Variants in IL6R observed in about 807,000 individuals in gnomAD.
The protein encoded by IL6R is interleukin 6 receptor.
Under a neutral mutation model 48.3 loss-of-function variants are expected in IL6R, and 38 were observed. That is an observed-to-expected ratio of 0.79 (90% CI 0.61 to 1.03). The LOEUF (loss-of-function observed/expected upper bound fraction) is 1.03. Among genes scored for constraint, IL6R ranks in the 50% least tolerant of loss-of-function variants. IL6R has a pLI of 0.00. For synonymous variants in IL6R, 264 were observed against 256.2 expected (o/e 1.03, Z -0.29); for missense variants, 534 against 618.3 (o/e 0.86, Z 1.45).
At chr1:154,420,315 G>A (rs1025454612) in intron 1 of IL6R, among the ~76,000 whole-genome samples, 4 of 152,038 alleles carry the variant, frequency 2.6e-5, no homozygotes, top group Non-Finnish European at 5.9e-5. Context: ...GTGGGGGCCT[G>A]TGGGGGATCT....
intron 6 of IL6R, among the ~76,000 whole-genome samples, chr1:154,447,242 C>T (rs1207637724): frequency 5.3e-5 from 8 of 151,422 alleles, no homozygotes; most frequent in South Asian, 4.2e-4. Context: ...AGTTCAAGAC[C>T]AGCCTGGCCA....
chr1:154,427,151 T>A (rs1326220312), intron 1 of IL6R, among the ~76,000 whole-genome samples: 1 of 152,116 alleles, frequency 6.6e-6, no homozygotes. Context: ...ATCTCTTGAC[T>A]TGTGATCCGT....
intron 1 of IL6R, among the ~76,000 whole-genome samples, chr1:154,406,825 A>T (rs1462433242): frequency 6.6e-6 from 1 of 152,140 alleles, no homozygotes; most frequent in Non-Finnish European, 1.5e-5. Flanking sequence ...AAAAGAAGGG[A>T]TTCCATTTTC....
chr1:154,462,808 TAA>T, intron 9 of IL6R, among the ~76,000 whole-genome samples: 1 of 152,096 alleles, frequency 6.6e-6, no homozygotes, highest in East Asian at 1.9e-4. Flanking sequence ...TTTAATTAAT[TAA>T]TTAATTTATT....
intron 1 of IL6R, among the ~76,000 whole-genome samples, chr1:154,419,188 A>G (rs1570932762): frequency 6.6e-6 from 1 of 152,286 alleles, no homozygotes; most frequent in Middle Eastern, 3.4e-3. Context: ...AATGGGGACA[A>G]GACTTCCTCC....
chr1:154,442,840 G>A (rs1690017092), intron 6 of IL6R, among the ~76,000 whole-genome samples: 1 of 151,378 alleles, frequency 6.6e-6, no homozygotes, highest in Admixed American at 6.6e-5. Flanking sequence ...AAGCCGGAGT[G>A]CAGTGGCATA....
At chr1:154,456,110 G>A (rs1358825517) in intron 9 of IL6R, among the ~76,000 whole-genome samples, 3 of 151,952 alleles carry the variant, frequency 2.0e-5, no homozygotes, top group African/African-American at 7.3e-5. Context: ...TGGATGGGGT[G>A]AGTGAAAATG....
chr1:154,467,418 A>AC lies in IL6R; in HGVS notation c.*2039dup, dbSNP rs1691605463. 1 of 152,088 alleles carries AC rather than the reference A, an allele frequency of 6.6e-6. No individual in the cohort carries two copies. The highest frequency in any genetic ancestry group is 2.1e-4 in the South Asian group (1 of 4,828). The allele number at this position is 152,088 out of a possible 1,614,324, so 9.4% of individuals were successfully genotyped here. Reference sequence around the variant, plus strand: ...TACCAGACCACAAAACTTTTCTAATACTCTACCCTCTTAGAAAAACCACCA... The same window carrying AC: ...TACCAGACCACAAAACTTTTCTAATACCTCTACCCTCTTAGAAAAACCACCA... On this transcript the variant is annotated 3_prime_UTR_variant, in exon 10 of 10. Coordinates refer to ENST00000368485, the MANE Select transcript of IL6R (RefSeq NM_000565.4).
chr1:154,436,098 A>T lies in IL6R; in HGVS notation c.937A>T (p.Thr313Ser). The stretch of plus-strand genomic sequence containing the variant: ...CGAGTGGAGCCCGGAGGCCATGGGC[A>T]CGCCTTGGACAGGTACTGCGGTGGG... ...WSEWSPEAMGTPWTESRSPPA... is the reference protein window; with the variant it reads ...WSEWSPEAMGSPWTESRSPPA... The change falls in exon 6 of 10, where the codon ACG becomes TCG. Residue 313 changes from threonine (T) to serine (S), a missense_variant. Physicochemically the swap from Thr to Ser is moderately conservative, Grantham distance 58. Transcript: ENST00000368485. 2 of 1,610,210 alleles carry T rather than the reference A, an allele frequency of 1.2e-6. No individual in the cohort carries two copies. Among genetic ancestry groups the T allele is most frequent in the East Asian group, 4.5e-5 (2 of 44,748 alleles).
At chr1:154,429,505 C>T in intron 2 of IL6R, 61 bp downstream of exon 2, 1 of 1,538,930 alleles carries the variant, frequency 6.5e-7, no homozygotes, top group Non-Finnish European at 8.8e-7. Context: ...TTTGTGCATT[C>T]CAGACAGTCC....
chr1:154,460,149 A>C (rs1691162998), intron 9 of IL6R, among the ~76,000 whole-genome samples: 1 of 152,214 alleles, frequency 6.6e-6, no homozygotes, highest in Non-Finnish European at 1.5e-5. Flanking sequence ...CTTTAAATGA[A>C]ACTTTTTGAA....
At chr1:154,461,517 A>G (rs549032435) in intron 9 of IL6R, among the ~76,000 whole-genome samples, 24 of 152,122 alleles carry the variant, frequency 1.6e-4, no homozygotes, top group Non-Finnish European at 3.2e-4. Context: ...ACTTCTCCCA[A>G]TGTCCCTTCA....
chr1:154,465,076 G>A, intron 9 of IL6R, 58 bp from the exon 10 acceptor site: 1 of 1,607,250 alleles, frequency 6.2e-7, no homozygotes, highest in South Asian at 1.1e-5. Context: ...TCCACTGTGG[G>A]CTTGTCACAG....
At chr1:154,432,002 C>T (rs1330351513) in intron 3 of IL6R, among the ~76,000 whole-genome samples, 1 of 152,206 alleles carries the variant, frequency 6.6e-6, no homozygotes, top group Non-Finnish European at 1.5e-5. Flanking sequence ...AGCAAAACCT[C>T]AGATAAGGCA....
chr1:154,450,731 C>T (rs1315080825), intron 8 of IL6R, among the ~76,000 whole-genome samples: 3 of 152,218 alleles, frequency 2.0e-5, no homozygotes, highest in Admixed American at 6.5e-5. Flanking sequence ...CTGTGTTTGA[C>T]TAGGTATATG....
rs1053067042 is a variant in IL6R, at chr1:154,436,031, G to T, written c.870G>T (p.Val290=). The change falls in exon 6 of 10, where the codon GTG becomes GTT. Residue 290 remains valine (V), a synonymous_variant. Coordinates refer to ENST00000368485, the MANE Select transcript of IL6R (RefSeq NM_000565.4). ...CCTGGAGCGGCCTGAGGCACGTGGT[G>T]CAGCTTCGTGCCCAGGAGGAGTTCG... The part of the protein sequence containing the change: ...HDAWSGLRHV[V]QLRAQEEFGQ... The T allele has an allele frequency of 8.1e-6, 13 of 1,612,992 alleles. No homozygotes were observed. The East Asian group carries it at 1.6e-4, about 19-fold the overall frequency.
At chr1:154,425,263 A>G (rs1397707639) in intron 1 of IL6R, among the ~76,000 whole-genome samples, 1 of 152,142 alleles carries the variant, frequency 6.6e-6, no homozygotes, top group Non-Finnish European at 1.5e-5. Flanking sequence ...AGTGAAGGAA[A>G]AGGACACAGG....
chr1:154,465,346 ACAT>A lies in IL6R; in HGVS notation c.1376_1378del (p.Ile459del), dbSNP rs773373443. The A allele has an allele frequency of 5.0e-6, 8 of 1,614,136 alleles. No homozygotes were observed. In the East Asian group the frequency reaches 1.6e-4, roughly 31 times the overall value. ...GCCAGGGACCCACGGAGCCCTTATG[ACAT>A]CAGCAATACAGACTACTTCTTCCCC... On this transcript the variant is annotated inframe_deletion, in exon 10 of 10. Coordinates refer to ENST00000368485, the MANE Select transcript of IL6R (RefSeq NM_000565.4).
rs764993854 is a variant in IL6R at position 154,435,985 on chromosome 1, A to T, written c.824A>T (p.His275Leu). ...CGCCCTCAGGTCAAGGACCTCCAGC[A>T]TCACTGTGTCATCCACGACGCCTGG... ...FTTWMVKDLQ[H>L]HCVIHDAWSG... Residue 275 changes from histidine to leucine, a missense_variant, in exon 6 of 10, where the codon CAT becomes CTT. Coordinates refer to ENST00000368485, the MANE Select transcript of IL6R (RefSeq NM_000565.4). 29 of 1,607,316 alleles carry T rather than the reference A, an allele frequency of 1.8e-5. No individual in the cohort carries two copies. The African/African-American group carries it at 3.5e-4, about 19-fold the overall frequency.
Sources: gnomAD v4.1 joint callset for allele counts (sites outside exome capture counted in the v4.1 genomes callset) on GRCh38, gnomAD v4.1.1 for gene constraint, MANE v1.5 for transcripts, NCBI Gene and HGNC (gene_info 2026-07-23, HGNC 2026-07-21) for gene names.